ASTN2: variants seen among roughly 807,000 people sequenced by gnomAD.
The protein encoded by ASTN2 is astrotactin-2.
In ASTN2, 54 loss-of-function variants were observed where a neutral mutation model predicts 139.8. That is an observed-to-expected ratio of 0.39 (90% CI 0.31 to 0.48). The LOEUF is 0.48. ASTN2 is among the 20% of genes least tolerant of loss of function. The pLI is 0.95. For synonymous variants in ASTN2, 756 were observed against 719.5 expected, an observed-to-expected ratio of 1.05 and a Z score of -0.81; for missense variants, 1,565 against 1,725.1, an observed-to-expected ratio of 0.91 and a Z score of 1.64.
intron 20 of ASTN2, among the ~76,000 whole-genome samples, chr9:116,462,718 C>G (rs1395350620): frequency 6.6e-6 from 1 of 151,678 alleles, no homozygotes; most frequent in African/African-American, 2.4e-5. Flanking sequence ...AAGGGAAGTT[C>G]TAGCTTTTTA....
chr9:117,334,161 G>GT lies in ASTN2; in HGVS notation c.443-42649dup, dbSNP rs149861979. Among the ~76,000 whole-genome samples, 1,449 of 152,278 alleles carry GT rather than the reference G, an allele frequency of 9.5e-3. 11 individuals are homozygous for GT. The highest frequency in any genetic ancestry group is 0.016 in the Non-Finnish European group (1,077 of 68,010). On this transcript the variant is annotated intron_variant, in intron 1 of 22. Transcript: ENST00000313400. ...GTGTGGCTATTTTCCAATAAAATCAGTAGGGGGCTACAGTTGGCCTGAGAG... is the reference window on the plus strand; with the variant it reads ...GTGTGGCTATTTTCCAATAAAATCAGTTAGGGGGCTACAGTTGGCCTGAGAG...
chr9:116,659,698 C>T lies in ASTN2; in HGVS notation c.2807-7905G>A, dbSNP rs1858439335. Among the ~76,000 whole-genome samples, 3 of 152,144 alleles carry T rather than the reference C, an allele frequency of 2.0e-5. No individual in the cohort carries two copies. In the South Asian group the frequency reaches 6.2e-4, roughly 32 times the overall value. On this transcript the variant is annotated intron_variant, in intron 16 of 22. Transcript: ENST00000313400. ...ACCCCCAGGTAATGCCCCCAATCTC[C>T]TCCACCCATTTCCATGGGCTAATAG...
intron 3 of ASTN2, among the ~76,000 whole-genome samples, chr9:117,153,130 G>T (rs1186288244): frequency 2.6e-5 from 4 of 151,970 alleles, no homozygotes; most frequent in African/African-American, 9.7e-5. Context: ...AACTCAGGAT[G>T]TGCTAGTTAT....
intron 1 of ASTN2, among the ~76,000 whole-genome samples, chr9:117,296,608 A>T (rs1204163844): frequency 6.6e-6 from 1 of 152,224 alleles, no homozygotes; most frequent in South Asian, 2.1e-4. Context: ...GGGGGACTAA[A>T]TGCATTGGGT....
At chr9:116,909,377 G>A (rs771096898) in intron 10 of ASTN2, among the ~76,000 whole-genome samples, 2 of 152,306 alleles carry the variant, frequency 1.3e-5, no homozygotes, top group Non-Finnish European at 2.9e-5. Context: ...CTGATGGTTT[G>A]ACTATGGGTG....
intron 2 of ASTN2, 134 bp from the exon 3 acceptor site, chr9:117,214,876 T>C: frequency 9.1e-7 from 1 of 1,102,558 alleles, no homozygotes; most frequent in Non-Finnish European, 1.2e-6. Context: ...CCACCAGCCG[T>C]GGTTTTTAAG....
intron 1 of ASTN2, among the ~76,000 whole-genome samples, chr9:117,360,640 T>C (rs1370804595): frequency 6.6e-6 from 1 of 152,090 alleles, no homozygotes; most frequent in East Asian, 1.9e-4. Context: ...TGAGGTTTCT[T>C]TCCAAGTTCA....
intron 19 of ASTN2, among the ~76,000 whole-genome samples, chr9:116,571,364 C>T (rs978490247): frequency 2.0e-5 from 3 of 152,202 alleles, no homozygotes; most frequent in African/African-American, 7.2e-5. Context: ...GGTCTTCTCA[C>T]TTTTCTTCTA....
intron 1 of ASTN2, among the ~76,000 whole-genome samples, chr9:117,293,931 A>G (rs1468473180): frequency 6.6e-6 from 1 of 152,254 alleles, no homozygotes; most frequent in Non-Finnish European, 1.5e-5. Context: ...GAATGGCACC[A>G]GAAGAAAGCT....
intron 10 of ASTN2, among the ~76,000 whole-genome samples, chr9:116,935,477 T>A (rs1468173894): frequency 1.3e-5 from 2 of 152,190 alleles, no homozygotes; most frequent in African/African-American, 2.4e-5. Flanking sequence ...GTGAGCTTTT[T>A]AAGACATTTC....
At chr9:116,449,585 A>T (rs1313872856) in intron 20 of ASTN2, among the ~76,000 whole-genome samples, 1 of 152,206 alleles carries the variant, frequency 6.6e-6, no homozygotes, top group Non-Finnish European at 1.5e-5. Context: ...GCTTTAAAAC[A>T]AGACCCCCGC....
At chr9:116,523,686 G>A (rs1330116033) in intron 19 of ASTN2, among the ~76,000 whole-genome samples, 6 of 152,126 alleles carry the variant, frequency 3.9e-5, no homozygotes, top group African/African-American at 1.4e-4. Context: ...GCAAAGAAGA[G>A]GCTCTGAGGG....
At chr9:117,054,794 A>G (rs1358085590) in intron 5 of ASTN2, among the ~76,000 whole-genome samples, 5 of 152,168 alleles carry the variant, frequency 3.3e-5, no homozygotes, top group African/African-American at 1.2e-4. Context: ...TTTCTCCTAG[A>G]TCAGTGGTCC....
intron 1 of ASTN2, among the ~76,000 whole-genome samples, chr9:117,299,942 AG>A (rs1189014250): frequency 6.6e-6 from 1 of 152,154 alleles, no homozygotes; most frequent in African/African-American, 2.4e-5. Flanking sequence ...CAAATTACAG[AG>A]CCTCTATGAT....
chr9:116,895,599 G>C (rs1833862224), intron 10 of ASTN2, among the ~76,000 whole-genome samples: 1 of 152,188 alleles, frequency 6.6e-6, no homozygotes, highest in Admixed American at 6.5e-5. Flanking sequence ...CAAGGTCTTA[G>C]TAATCTGGGC....
At chr9:117,187,464 T>C (rs960306191) in intron 3 of ASTN2, among the ~76,000 whole-genome samples, 1 of 152,256 alleles carries the variant, frequency 6.6e-6, no homozygotes, top group South Asian at 2.1e-4. Flanking sequence ...TGTAATAGTA[T>C]TGAGAGATGG....
At chr9:116,590,907 G>T (rs1382712420) in intron 19 of ASTN2, among the ~76,000 whole-genome samples, 1 of 152,156 alleles carries the variant, frequency 6.6e-6, no homozygotes, top group Non-Finnish European at 1.5e-5. Context: ...ACACTCATCA[G>T]GATGACCTGC....
chr9:116,737,823 A>C (rs1828979809), intron 13 of ASTN2, among the ~76,000 whole-genome samples: 1 of 152,192 alleles, frequency 6.6e-6, no homozygotes, highest in Non-Finnish European at 1.5e-5. Flanking sequence ...ACTAAGCTAT[A>C]AGGATACAAA....
chr9:117,365,291 TAGAA>T (rs1311135803), intron 1 of ASTN2, among the ~76,000 whole-genome samples: 17 of 101,196 alleles, frequency 1.7e-4, no homozygotes, highest in African/African-American at 3.4e-4. Context: ...AAGAAAGAAA[TAGAA>T]AGAAAAAGAA....
Sources: allele counts gnomAD v4.1 joint callset (sites outside exome capture counted in the v4.1 genomes callset), GRCh38; gene constraint gnomAD v4.1.1; transcripts MANE v1.5; gene names NCBI Gene and HGNC (gene_info 2026-07-23, HGNC 2026-07-21).